Variants in TNC observed in about 807,000 individuals in gnomAD.
TNC encodes tenascin.
A neutral mutation model predicts 202.4 loss-of-function variants in TNC; 109 were observed. That is an observed-to-expected ratio of 0.54 (90% CI 0.46 to 0.63). TNC has a LOEUF of 0.63. Ranked by LOEUF, TNC falls within the 30% of genes least tolerant of loss-of-function variation. The pLI is 0.00. For synonymous variants in TNC, 1,007 were observed against 1,089.7 expected (o/e 0.92, Z 1.50); for missense variants, 2,756 against 2,833.3 (o/e 0.97, Z 0.62).
At chr9:115,066,417 G>A (rs952150175) in intron 10 of TNC, among the ~76,000 whole-genome samples, 5 of 152,180 alleles carry the variant, frequency 3.3e-5, no homozygotes, top group Non-Finnish European at 7.3e-5. Flanking sequence ...AATTTCAAAT[G>A]AGCCTTATGT....
chr9:115,040,266 T>A (rs1352767152), intron 19 of TNC, among the ~76,000 whole-genome samples: 1 of 152,224 alleles, frequency 6.6e-6, no homozygotes, highest in Non-Finnish European at 1.5e-5. Flanking sequence ...GGTATTTCAT[T>A]TGTCTCAGTT....
chr9:115,029,247 A>G (rs1393773875), intron 25 of TNC, 113 bp downstream of exon 25: 1 of 837,686 alleles, frequency 1.2e-6, no homozygotes, highest in African/African-American at 1.7e-5. Context: ...CTGCCACCAG[A>G]AGTAGTTCTT....
At chr9:115,102,955 CT>C (rs1836347875) in intron 1 of TNC, among the ~76,000 whole-genome samples, 1 of 152,362 alleles carries the variant, frequency 6.6e-6, no homozygotes, top group East Asian at 1.9e-4. Flanking sequence ...AATACTCTTA[CT>C]TTCCTGATGG....
chr9:115,038,366 A>G lies in TNC; in HGVS notation c.5407T>C (p.Ser1803Pro). 2 of 1,614,106 alleles carry G rather than the reference A, an allele frequency of 1.2e-6. No homozygotes were observed. The highest frequency in any genetic ancestry group is 8.5e-7 in the Non-Finnish European group (1 of 1,179,964). Residue 1803 changes from serine (S) to proline (P), a missense_variant, in exon 20 of 28, where the codon TCT (serine) becomes CCT (proline). By Grantham distance (74) the Ser-to-Pro change is moderately conservative (BLOSUM62 -1). Coordinates refer to ENST00000350763, the MANE Select transcript of TNC (RefSeq NM_002160.4). ...GSFTTALDGPSGLVTANITDS... is the reference protein window; with the variant it reads ...GSFTTALDGPPGLVTANITDS... Reference sequence around the variant, plus strand: ...GTGATGTTGGCTGTCACCAGGCCAGATGGGCCATCCAGAGCTGCAAAGAAA... The same window carrying G: ...GTGATGTTGGCTGTCACCAGGCCAGGTGGGCCATCCAGAGCTGCAAAGAAA...
chr9:115,038,468 C>T, intron 19 of TNC, 88 bp from the exon 20 acceptor site: 6 of 1,513,304 alleles, frequency 4.0e-6, no homozygotes, highest in Non-Finnish European at 5.4e-6. Flanking sequence ...CTTATGGAGT[C>T]CTGATGTTAG....
At position 115,064,745 on chromosome 9, in the gene TNC, T is replaced by A. The variant is rs771101361; in HGVS notation, c.3389A>T (p.Asp1130Val). 3 of 1,614,164 alleles carry A rather than the reference T, an allele frequency of 1.9e-6. No homozygotes were observed. In the South Asian group the frequency reaches 3.3e-5, roughly 18 times the overall value. The part of the protein sequence containing the change: ...LTVPGSLRAV[D>V]IPGLKAATPY... Reference sequence around the variant, plus strand: ...CGTAGCAGCCTTGAGGCCCGGTATGTCCACAGCCCGAAGGCTGCCAGGCAC... The same window carrying A: ...CGTAGCAGCCTTGAGGCCCGGTATGACCACAGCCCGAAGGCTGCCAGGCAC... Residue 1130 changes from aspartate (D) to valine (V), a missense_variant, in exon 11 of 28, where the codon GAC (aspartate) becomes GTC (valine). Asp to Val is a radical substitution (Grantham distance 152). Around this residue, in one of 2 missense-constraint regions of TNC, gnomAD observed 2,559 missense variants for 2,546.0 expected, o/e 1.01. Coordinates refer to ENST00000350763, the MANE Select transcript of TNC (RefSeq NM_002160.4).
chr9:115,038,516 G>T, intron 19 of TNC, 136 bp from the exon 20 acceptor site: 2 of 1,178,088 alleles, frequency 1.7e-6, no homozygotes, highest in Non-Finnish European at 2.3e-6. Context: ...AGAGACCTAA[G>T]CCTGGAGCCA....
chr9:115,091,118 A>G lies in TNC; in HGVS notation c.-100T>C. On this transcript the variant is annotated 5_prime_UTR_variant, in exon 2 of 28. Coordinates refer to ENST00000350763, the MANE Select transcript of TNC (RefSeq NM_002160.4). ...ATTTAGAAGCACAGAGTAGACTTCA[A>G]ATCAGTTGTCCCTGATCTTCTTGAA... The G allele has an allele frequency of 1.1e-6, 1 of 910,000 alleles. No individual in the cohort carries two copies. Among genetic ancestry groups the G allele is most frequent in the South Asian group, 1.6e-5 (1 of 61,032 alleles). The allele number at this position is 910,000 out of a possible 1,614,324, so 56.4% of individuals were successfully genotyped here. A position where few individuals can be genotyped will look rare whatever the true frequency, so the allele number is the denominator to read the frequency against.
At chr9:115,105,478 A>G (rs1836545421) in intron 1 of TNC, among the ~76,000 whole-genome samples, 1 of 152,214 alleles carries the variant, frequency 6.6e-6, no homozygotes, top group African/African-American at 2.4e-5. Context: ...GCTCAAGATC[A>G]CATAGCTAGA....
intron 1 of TNC, among the ~76,000 whole-genome samples, chr9:115,114,450 C>G (rs1411250655): frequency 6.6e-6 from 1 of 152,206 alleles, no homozygotes; most frequent in Non-Finnish European, 1.5e-5. Flanking sequence ...TGAAAATCAG[C>G]AGGAGTGACC....
At chr9:115,095,672 GTA>G (rs374239868) in intron 1 of TNC, among the ~76,000 whole-genome samples, 7 of 55,498 alleles carry the variant, frequency 1.3e-4, no homozygotes, top group African/African-American at 5.4e-4. Context: ...ATATATATAT[GTA>G]TATATATGTA....
At chr9:115,045,229 C>T (rs10122770) in intron 17 of TNC, among the ~76,000 whole-genome samples, 11,529 of 152,204 alleles carry the variant, frequency 0.076, 639 homozygotes, top group African/African-American at 0.15. Context: ...CCATCTCCAG[C>T]GAATGCTATG....
At chr9:115,100,025 C>G (rs1467556139) in intron 1 of TNC, among the ~76,000 whole-genome samples, 2 of 152,188 alleles carry the variant, frequency 1.3e-5, no homozygotes, top group African/African-American at 2.4e-5. Context: ...GTGTGGGGCT[C>G]TTTTCTGGGA....
Position 115,081,896 on chromosome 9 carries a change from G to T in TNC, c.2280C>A (p.Ser760Arg). 1 of 1,594,492 alleles carries T rather than the reference G, an allele frequency of 6.3e-7. No individual in the cohort carries two copies. The highest frequency in any genetic ancestry group is 8.5e-7 in the Non-Finnish European group (1 of 1,175,092). ...GGTAAGAGGTCTCTGGCCTCCTCAG[G>T]CTTTTGGTGATCTCTCCCTCATCTT... Reference protein sequence around the residue: ...NKEDEGEITKSLRRPETSYRQ... With the variant: ...NKEDEGEITKRLRRPETSYRQ... The change falls in exon 6 of 28, where the codon AGC becomes AGA. Residue 760 changes from serine (S) to arginine (R), a missense_variant. Ser to Arg is a moderately radical substitution (Grantham distance 110). This residue lies in a region of TNC where 2,559 missense variants were observed against 2,546.0 expected (regional missense o/e 1.01). Transcript: ENST00000350763.
chr9:115,106,620 C>T (rs1448841645), intron 1 of TNC, among the ~76,000 whole-genome samples: 1 of 152,146 alleles, frequency 6.6e-6, no homozygotes, highest in Non-Finnish European at 1.5e-5. Flanking sequence ...AAAGCCTGCT[C>T]TCCTTGAGTC....
intron 10 of TNC, among the ~76,000 whole-genome samples, chr9:115,067,968 G>A (rs1417842932): frequency 2.0e-5 from 3 of 152,012 alleles, no homozygotes; most frequent in Non-Finnish European, 4.4e-5. Flanking sequence ...TGCTAGCCAA[G>A]TGAGTAAAAG....
chr9:115,045,837 G>T (rs886122593), intron 17 of TNC, among the ~76,000 whole-genome samples: 1 of 151,806 alleles, frequency 6.6e-6, no homozygotes, highest in African/African-American at 2.4e-5. Flanking sequence ...TGTTAATCTT[G>T]CCAGCTCTCT....
rs936935680 is a variant in TNC, at chr9:115,086,585, G to C, written c.1146C>G (p.His382Gln). 1 of 1,614,146 alleles carries C rather than the reference G, an allele frequency of 6.2e-7. No homozygotes were observed. Among genetic ancestry groups the C allele is most frequent in the East Asian group, 2.2e-5 (1 of 44,888 alleles). ...CSEKRCPADC[H>Q]NRGRCVDGRC... ...GCCCGTCTACACAGCGGCCACGATT[G>C]TGACAGTCAGCAGGACACCTCTTCT... Residue 382 changes from histidine to glutamine, a missense_variant, in exon 3 of 28, where the codon CAC (histidine) becomes CAG (glutamine). Physicochemically the swap from His to Gln is conservative, Grantham distance 24. This residue lies in a region of TNC where 2,559 missense variants were observed against 2,546.0 expected (regional missense o/e 1.01). Coordinates refer to ENST00000350763, the MANE Select transcript of TNC (RefSeq NM_002160.4).
intron 1 of TNC, among the ~76,000 whole-genome samples, chr9:115,097,048 C>G (rs1443808865): frequency 2.0e-5 from 3 of 152,192 alleles, no homozygotes; most frequent in Admixed American, 6.5e-5. Flanking sequence ...CTGCTGTGCT[C>G]CAGAGTTTTG....
Sources: allele counts gnomAD v4.1 joint callset (sites outside exome capture counted in the v4.1 genomes callset), GRCh38; gene constraint gnomAD v4.1.1; regional missense constraint gnomAD v4.1.1; transcripts MANE v1.5; gene names NCBI Gene and HGNC (gene_info 2026-07-23, HGNC 2026-07-21).